ATF6: variants seen among roughly 807,000 people sequenced by gnomAD.
The protein encoded by ATF6 is cyclic AMP-dependent transcription factor ATF-6 alpha.
Under a neutral mutation model 83.6 loss-of-function variants are expected in ATF6, and 53 were observed. That is an observed-to-expected ratio of 0.63 (90% CI 0.51 to 0.80). The LOEUF is 0.80. Among genes scored for constraint, ATF6 ranks in the 30% least tolerant of loss-of-function variants. The pLI, the probability that ATF6 is intolerant of heterozygous loss-of-function variation, is 0.00. For missense variants in ATF6, 744 were observed against 797.9 expected, an observed-to-expected ratio of 0.93 and a Z score of 0.81; for synonymous variants, 288 against 285.8, an observed-to-expected ratio of 1.01 and a Z score of -0.08.
intron 14 of ATF6, among the ~76,000 whole-genome samples, chr1:161,895,200 G>A (rs1039099567): frequency 6.6e-6 from 1 of 152,088 alleles, no homozygotes; most frequent in Admixed American, 6.5e-5. Context: ...TCATGCCACT[G>A]CACTCCAGCT....
chr1:161,951,653 GA>G (rs1459360422), intron 15 of ATF6, among the ~76,000 whole-genome samples: 1 of 152,140 alleles, frequency 6.6e-6, no homozygotes, highest in African/African-American at 2.4e-5. Flanking sequence ...TACTATGAAG[GA>G]AAAGAACAGA....
In ATF6 at chr1:161,947,810, C is replaced by CTTTTTTTTT. The variant is rs10524670; in HGVS notation, c.1805-10613_1805-10605dup. 2.2e-3 allele frequency among the ~76,000 whole-genome samples: 129 copies of CTTTTTTTTT among 57,582 alleles called. 10 individuals are homozygous for CTTTTTTTTT. Among genetic ancestry groups the CTTTTTTTTT allele is most frequent in the East Asian group, 9.7e-3 (14 of 1,442 alleles). The allele number at this position is 57,582 out of a possible 152,430, so 37.8% of individuals were successfully genotyped here. A position where few individuals can be genotyped will look rare whatever the true frequency, so the allele number is the denominator to read the frequency against. ...ATATTCCATAGTCCTTAAGCCACGC[C>CTTTTTTTTT]TTTTTTTTTTTTTTTTTTTTTTTTT... On this transcript the variant is annotated intron_variant, in intron 15 of 15. Transcript: ENST00000367942.
chr1:161,830,606 A>T (rs1224351789), intron 9 of ATF6, among the ~76,000 whole-genome samples: 1 of 152,238 alleles, frequency 6.6e-6, no homozygotes, highest in Non-Finnish European at 1.5e-5. Flanking sequence ...AGAGATATAG[A>T]CCAATGGAAC....
intron 14 of ATF6, among the ~76,000 whole-genome samples, chr1:161,882,363 C>G (rs1020272463): frequency 6.6e-6 from 1 of 151,970 alleles, no homozygotes; most frequent in Non-Finnish European, 1.5e-5. Flanking sequence ...GGTCACAGTG[C>G]TAGGAAATAC....
At chr1:161,866,407 A>T (rs1425446025) in intron 14 of ATF6, among the ~76,000 whole-genome samples, 3 of 152,196 alleles carry the variant, frequency 2.0e-5, no homozygotes, top group African/African-American at 7.2e-5. Context: ...ACTCTTGGAT[A>T]ACTACTGAGT....
intron 15 of ATF6, among the ~76,000 whole-genome samples, chr1:161,934,911 C>T (rs1003882594): frequency 6.6e-6 from 1 of 152,074 alleles, no homozygotes; most frequent in South Asian, 2.1e-4. Context: ...AGTTTCCTCC[C>T]CAAAACAGAA....
chr1:161,943,832 T>C (rs1370892345), intron 15 of ATF6, among the ~76,000 whole-genome samples: 3 of 152,220 alleles, frequency 2.0e-5, no homozygotes, highest in Admixed American at 2.0e-4. Context: ...CTTCCATGCT[T>C]TAGTTTTATC....
At chr1:161,829,322 C>G (rs1448207430) in intron 9 of ATF6, among the ~76,000 whole-genome samples, 1 of 150,548 alleles carries the variant, frequency 6.6e-6, no homozygotes, top group Non-Finnish European at 1.5e-5. Flanking sequence ...GACTTTAACA[C>G]CCCACTGTCA....
chr1:161,948,443 C>T (rs1688799329), intron 15 of ATF6, among the ~76,000 whole-genome samples: 1 of 152,124 alleles, frequency 6.6e-6, no homozygotes, highest in Admixed American at 6.5e-5. Context: ...TTAAAGAAGG[C>T]AGTCATCAGT....
intron 9 of ATF6, among the ~76,000 whole-genome samples, chr1:161,844,066 G>A (rs867093423): frequency 3.9e-5 from 6 of 152,326 alleles, no homozygotes; most frequent in Middle Eastern, 6.8e-3. Context: ...AATATAAATA[G>A]AGTGTAATAT....
At chr1:161,767,543 A>G (rs1366801773) in intron 1 of ATF6, among the ~76,000 whole-genome samples, 2 of 152,182 alleles carry the variant, frequency 1.3e-5, no homozygotes, top group African/African-American at 4.8e-5. Context: ...AACTCTTGAC[A>G]TGAAGTATTT....
chr1:161,768,185 C>T (rs1190921132), intron 1 of ATF6, among the ~76,000 whole-genome samples: 1 of 152,156 alleles, frequency 6.6e-6, no homozygotes, highest in Non-Finnish European at 1.5e-5. Flanking sequence ...AACTGTGGGA[C>T]ACTTCCTGGT....
chr1:161,907,425 G>T (rs1687897429), intron 14 of ATF6, among the ~76,000 whole-genome samples: 1 of 152,098 alleles, frequency 6.6e-6, no homozygotes. Context: ...AGTGGATATG[G>T]GCCAAATATA....
intron 10 of ATF6, among the ~76,000 whole-genome samples, chr1:161,848,534 G>A (rs72706058): frequency 0.025 from 3,741 of 152,172 alleles, 73 homozygotes; most frequent in Non-Finnish European, 0.034. Flanking sequence ...TCATAGAAAT[G>A]TGTGGCATAT....
intron 7 of ATF6, among the ~76,000 whole-genome samples, chr1:161,807,513 C>T (rs1368872925): frequency 6.6e-6 from 1 of 152,050 alleles, no homozygotes. Context: ...AGAACAAATC[C>T]AATAGGAAGG....
chr1:161,873,820 G>A (rs1355271375), intron 14 of ATF6, among the ~76,000 whole-genome samples: 1 of 151,594 alleles, frequency 6.6e-6, no homozygotes, highest in Non-Finnish European at 1.5e-5. Context: ...CTCTATCTTA[G>A]TCATGACTTT....
chr1:161,903,745 C>T (rs965026916), intron 14 of ATF6, among the ~76,000 whole-genome samples: 1 of 152,168 alleles, frequency 6.6e-6, no homozygotes, highest in African/African-American at 2.4e-5. Flanking sequence ...GGAACTTGCT[C>T]TATATCCTAC....
At chr1:161,831,429 G>A (rs536630454) in intron 9 of ATF6, among the ~76,000 whole-genome samples, 3 of 152,272 alleles carry the variant, frequency 2.0e-5, no homozygotes, top group South Asian at 4.2e-4. Context: ...ATTTGACCCA[G>A]CCATCCCATT....
intron 15 of ATF6, among the ~76,000 whole-genome samples, chr1:161,931,523 T>TA (rs1211704800): frequency 6.6e-6 from 1 of 152,122 alleles, no homozygotes; most frequent in African/African-American, 2.4e-5. Flanking sequence ...ATTTCACCCA[T>TA]TTAAAATCTA....
Sources: allele counts gnomAD v4.1 joint callset (sites outside exome capture counted in the v4.1 genomes callset), GRCh38; gene constraint gnomAD v4.1.1; transcripts MANE v1.5; gene names NCBI Gene and HGNC (gene_info 2026-07-23, HGNC 2026-07-21).